RASGRF2: variants seen among roughly 807,000 people sequenced by gnomAD.
RASGRF2 encodes ras-specific guanine nucleotide-releasing factor 2.
In RASGRF2, 76 loss-of-function variants were observed where a neutral mutation model predicts 151.0. The observed-to-expected ratio is 0.50, with a 90% CI of 0.42 to 0.61. The LOEUF is 0.61. RASGRF2 is among the 20% of genes least tolerant of loss of function. The probability of loss-of-function intolerance (pLI) is 0.00; values close to 1 mark genes in which losing one functional copy is unlikely to be tolerated. For missense variants in RASGRF2, 1,148 were observed against 1,564.6 expected, an observed-to-expected ratio of 0.73 and a Z score of 4.49; for synonymous variants, 504 against 566.5, an observed-to-expected ratio of 0.89 and a Z score of 1.57.
chr5:81,094,370 A>G lies in RASGRF2; in HGVS notation c.1618+8A>G. 1 of 1,608,034 alleles carries G rather than the reference A, an allele frequency of 6.2e-7. No individual in the cohort carries two copies. Among genetic ancestry groups the G allele is most frequent in the Non-Finnish European group, 8.5e-7 (1 of 1,176,378 alleles). On this transcript the variant is annotated splice_region_variant and intron_variant, in intron 11 of 26. Coordinates refer to ENST00000265080, the MANE Select transcript of RASGRF2 (RefSeq NM_006909.3). ...ATGCAAGCGATGATGACTGTAAGTC[A>G]CCTTCGATCACTTAGGATTCTATTA...
chr5:81,149,211 A>G (rs1000608011), intron 17 of RASGRF2, among the ~76,000 whole-genome samples: 1 of 152,244 alleles, frequency 6.6e-6, no homozygotes, highest in African/African-American at 2.4e-5. Context: ...ACAATTGCAG[A>G]AATATGGAAC....
At position 81,201,459 on chromosome 5, in the gene RASGRF2, A is replaced by T; in HGVS notation, c.2906+17A>T. 1 of 1,606,186 alleles carries T rather than the reference A, an allele frequency of 6.2e-7. No individual in the cohort carries two copies. ...TATCCTCAGGTGAAGGCAGCTGAAG[A>T]TGCCGACTGGATGACATTGGTTGAT... On this transcript the variant is annotated intron_variant, in intron 19 of 26. Coordinates refer to ENST00000265080, the MANE Select transcript of RASGRF2 (RefSeq NM_006909.3).
At chr5:81,193,511 T>C (rs779024858) in intron 18 of RASGRF2, among the ~76,000 whole-genome samples, 2 of 152,106 alleles carry the variant, frequency 1.3e-5, no homozygotes, top group African/African-American at 2.4e-5. Context: ...TGCTTTTTTC[T>C]TTTTTTCTTT....
At chr5:81,012,850 G>A (rs1455028347) in intron 1 of RASGRF2, among the ~76,000 whole-genome samples, 1 of 152,086 alleles carries the variant, frequency 6.6e-6, no homozygotes, top group African/African-American at 2.4e-5. Flanking sequence ...GAAAGACTGT[G>A]TGTGACAAGG....
intron 1 of RASGRF2, among the ~76,000 whole-genome samples, chr5:80,962,156 A>G (rs1747582469): frequency 6.6e-6 from 1 of 152,180 alleles, no homozygotes; most frequent in East Asian, 1.9e-4. Context: ...AACTAGACCG[A>G]CCGGAAGTTT....
intron 24 of RASGRF2, 56 bp downstream of exon 24, chr5:81,216,011 G>A: frequency 7.2e-7 from 1 of 1,380,362 alleles, no homozygotes; most frequent in Non-Finnish European, 9.4e-7. Flanking sequence ...TTTACATAAT[G>A]TATATAGTAT....
chr5:81,149,449 T>A (rs771926313), intron 17 of RASGRF2, among the ~76,000 whole-genome samples: 14 of 151,198 alleles, frequency 9.3e-5, no homozygotes, highest in Non-Finnish European at 1.5e-4. Flanking sequence ...GGCATAAGAA[T>A]GACACAATGG....
At chr5:81,112,554 G>A in intron 13 of RASGRF2, 56 bp from the exon 14 acceptor site, 1 of 1,605,888 alleles carries the variant, frequency 6.2e-7, no homozygotes, top group Non-Finnish European at 8.5e-7. Flanking sequence ...ATATTCAGTG[G>A]CCGAGGGGGA....
At chr5:81,143,072 G>T (rs1222080393) in intron 17 of RASGRF2, among the ~76,000 whole-genome samples, 1 of 152,198 alleles carries the variant, frequency 6.6e-6, no homozygotes, top group Admixed American at 6.5e-5. Flanking sequence ...CTTAGGCTGG[G>T]AAAGACCAAT....
intron 1 of RASGRF2, among the ~76,000 whole-genome samples, chr5:81,007,808 G>A (rs1338198391): frequency 6.6e-6 from 1 of 152,040 alleles, no homozygotes; most frequent in African/African-American, 2.4e-5. Flanking sequence ...ATCCATGGAG[G>A]AGTCACCTAG....
At chr5:81,219,391 G>A (rs1171057635) in intron 25 of RASGRF2, among the ~76,000 whole-genome samples, 2 of 152,148 alleles carry the variant, frequency 1.3e-5, no homozygotes, top group Admixed American at 6.5e-5. Flanking sequence ...TGGACAGCCA[G>A]GTTCTAAGCA....
intron 1 of RASGRF2, among the ~76,000 whole-genome samples, chr5:81,001,603 T>C (rs1483901367): frequency 6.6e-6 from 1 of 152,164 alleles, no homozygotes; most frequent in Non-Finnish European, 1.5e-5. Context: ...TCCTGGGCTA[T>C]TGAAAGGATA....
chr5:80,992,829 G>A (rs1748697228), intron 1 of RASGRF2, among the ~76,000 whole-genome samples: 1 of 152,158 alleles, frequency 6.6e-6, no homozygotes, highest in Non-Finnish European at 1.5e-5. Context: ...AAGAAGCAGG[G>A]AGTATGGTCA....
chr5:81,094,728 C>A, intron 11 of RASGRF2, 128 bp from the exon 12 acceptor site: 1 of 1,016,260 alleles, frequency 9.8e-7, no homozygotes, highest in Non-Finnish European at 1.4e-6. Context: ...CTGAGAAGTA[C>A]GATATTGCTG....
At position 81,069,640 on chromosome 5, in the gene RASGRF2, A is replaced by G. The variant is rs541097201; in HGVS notation, c.544-852A>G. On this transcript the variant is annotated intron_variant, in intron 3 of 26. Transcript: ENST00000265080. ...CTTCTCTGGTCTCTTGACAGGAGCC[A>G]TAATTTATTTCCTACTCCCTTTCTT... Among the ~76,000 whole-genome samples the G allele has an allele frequency of 3.9e-5, 6 of 152,372 alleles. No individual in the cohort carries two copies. The South Asian group carries it at 1.0e-3, about 26-fold the overall frequency.
At chr5:81,120,773 A>C (rs1264481375) in intron 15 of RASGRF2, among the ~76,000 whole-genome samples, 1 of 152,212 alleles carries the variant, frequency 6.6e-6, no homozygotes, top group Non-Finnish European at 1.5e-5. Context: ...AAAGACAGGA[A>C]TATAATCAAT....
intron 1 of RASGRF2, among the ~76,000 whole-genome samples, chr5:80,989,697 C>T (rs565388220): frequency 6.6e-6 from 1 of 152,286 alleles, no homozygotes; most frequent in East Asian, 1.9e-4. Flanking sequence ...GCCTGCTCTC[C>T]TCACGTGCTG....
rs58105434 is a variant in RASGRF2 at position 81,008,139 on chromosome 5, C to CT, written c.289-34709dup. Among the ~76,000 whole-genome samples, 529 of 85,374 alleles carry CT rather than the reference C, an allele frequency of 6.2e-3. 52 individuals carry two copies. Among genetic ancestry groups the CT allele is most frequent in the East Asian group, 0.012 (41 of 3,382 alleles). 56.0% of individuals were successfully genotyped at this position (85,374 alleles called of 152,430 possible). A position where few individuals can be genotyped will look rare whatever the true frequency, so the allele number is the denominator to read the frequency against. ...AGTTTTCTTTTTCTTTCTTTCTTTC[C>CT]TTTTTTTTTTTTTTTTTTTTTTTTT... is the stretch of plus-strand genomic sequence containing the variant. On this transcript the variant is annotated intron_variant, in intron 1 of 26. Coordinates refer to ENST00000265080, the MANE Select transcript of RASGRF2 (RefSeq NM_006909.3).
intron 15 of RASGRF2, among the ~76,000 whole-genome samples, chr5:81,120,452 G>A (rs1486123951): frequency 6.6e-6 from 1 of 152,096 alleles, no homozygotes; most frequent in Non-Finnish European, 1.5e-5. Flanking sequence ...ATGTGGCTGT[G>A]TGCACCTGTG....
Sources: allele counts gnomAD v4.1 joint callset (sites outside exome capture counted in the v4.1 genomes callset), GRCh38; gene constraint gnomAD v4.1.1; transcripts MANE v1.5; gene names NCBI Gene and HGNC (gene_info 2026-07-23, HGNC 2026-07-21).